DNAI7: variants seen among roughly 807,000 people sequenced by gnomAD.
DNAI7 encodes the protein cancer susceptibility 1.
DNAI7 carries 78 observed loss-of-function variants against 86.6 expected under a neutral mutation model. That is an observed-to-expected ratio of 0.90 (90% CI 0.75 to 1.09). The LOEUF (loss-of-function observed/expected upper bound fraction) is 1.09. DNAI7 is among the 50% of genes least tolerant of loss of function. The pLI is 0.00. For synonymous variants in DNAI7, 274 were observed against 273.0 expected, an observed-to-expected ratio of 1.00 and a Z score of -0.04; for missense variants, 753 against 810.2, an observed-to-expected ratio of 0.93 and a Z score of 0.86.
rs765146905 is a variant in DNAI7 at position 25,108,757 on chromosome 12, C to G, written c.1960G>C (p.Asp654His). 1 of 1,524,766 alleles carries G rather than the reference C, an allele frequency of 6.6e-7. No individual in the cohort carries two copies. Among genetic ancestry groups the G allele is most frequent in the Non-Finnish European group, 8.9e-7 (1 of 1,125,252 alleles). 94.5% of individuals were successfully genotyped at this position (1,524,766 alleles called of 1,614,324 possible). Residue 654 changes from aspartate (D) to histidine (H), a missense_variant, in exon 16 of 16, where the codon GAC becomes CAC. Asp to His is a moderately conservative substitution (Grantham distance 81). Coordinates refer to ENST00000395987, the MANE Select transcript of DNAI7 (RefSeq NM_018272.5). The stretch of plus-strand genomic sequence containing the variant: ...TTGATCTTCAGTCTTTGTGCTCTGT[C>G]ACCACTAAACATTAAAAGGGCCCAA... ...PNWALLMFSGDRAQRLKIKEE... is the reference protein window; with the variant it reads ...PNWALLMFSGHRAQRLKIKEE...
At chr12:25,120,739 TA>T (rs937637109) in intron 11 of DNAI7, among the ~76,000 whole-genome samples, 26 of 151,530 alleles carry the variant, frequency 1.7e-4, no homozygotes, top group African/African-American at 5.6e-4. Flanking sequence ...AAAATAAAAA[TA>T]AAAAAAATAA....
chr12:25,132,395 T>A lies in DNAI7; in HGVS notation c.1003-9109A>T, dbSNP rs552234258. Among the ~76,000 whole-genome samples the A allele has an allele frequency of 6.4e-4, 98 of 152,230 alleles. 1 individual carries two copies. Among genetic ancestry groups the A allele is most frequent in the African/African-American group, 2.2e-3 (90 of 41,552 alleles). On this transcript the variant is annotated intron_variant, in intron 9 of 15. Transcript: ENST00000395987. ...AATAGAGTTTTAACTTTAAAAAAAA[T>A]TTAACAATACAGCTTAGGGATCTTT...
At chr12:25,167,570 G>A (rs1009733988) in intron 2 of DNAI7, among the ~76,000 whole-genome samples, 8 of 151,874 alleles carry the variant, frequency 5.3e-5, no homozygotes, top group East Asian at 1.9e-4. Context: ...CCTCCTTAGC[G>A]AACAACCGCT....
chr12:25,122,942 T>C (rs1480981771), intron 10 of DNAI7, among the ~76,000 whole-genome samples: 4 of 152,226 alleles, frequency 2.6e-5, no homozygotes, highest in Non-Finnish European at 5.9e-5. Context: ...GTTCTATGTA[T>C]GTAACACGTT....
intron 9 of DNAI7, among the ~76,000 whole-genome samples, chr12:25,125,896 G>A (rs996823235): frequency 6.6e-6 from 1 of 152,048 alleles, no homozygotes; most frequent in African/African-American, 2.4e-5. Flanking sequence ...GTTTTTGTCA[G>A]CTTTGTTGAA....
chr12:25,149,065 A>T (rs1945193587), intron 7 of DNAI7, among the ~76,000 whole-genome samples: 1 of 152,056 alleles, frequency 6.6e-6, no homozygotes, highest in Admixed American at 6.6e-5. Flanking sequence ...GGTTCACTGC[A>T]GCACTGACAT....
chr12:25,129,070 C>G (rs758339265), intron 9 of DNAI7, among the ~76,000 whole-genome samples: 18 of 152,186 alleles, frequency 1.2e-4, no homozygotes, highest in Non-Finnish European at 2.1e-4. Context: ...GGCCTTCCTT[C>G]TCACTTCTGT....
intron 3 of DNAI7, 40 bp from the exon 4 acceptor site, chr12:25,158,603 C>G: frequency 1.3e-6 from 2 of 1,576,268 alleles, no homozygotes; most frequent in Non-Finnish European, 1.7e-6. Flanking sequence ...GTGAATAGAT[C>G]ACTGTATTTT....
intron 9 of DNAI7, among the ~76,000 whole-genome samples, chr12:25,139,961 A>G (rs1943988529): frequency 6.6e-6 from 1 of 152,240 alleles, no homozygotes; most frequent in Non-Finnish European, 1.5e-5. Flanking sequence ...TACCACATAG[A>G]ATTAAAAACA....
At chr12:25,123,121 T>C in intron 10 of DNAI7, 90 bp downstream of exon 10, 3 of 804,682 alleles carry the variant, frequency 3.7e-6, no homozygotes, top group Admixed American at 3.1e-5. Flanking sequence ...ATTTTTGCAA[T>C]GTCTGAATTT....
chr12:25,120,341 A>AGG (rs1941056660), intron 11 of DNAI7, among the ~76,000 whole-genome samples: 4 of 148,922 alleles, frequency 2.7e-5, no homozygotes, highest in South Asian at 2.2e-4. Context: ...AGAGAGAGAG[A>AGG]GGAAGGAAGG....
chr12:25,150,282 T>C (rs1189687283), intron 6 of DNAI7, among the ~76,000 whole-genome samples: 1 of 152,164 alleles, frequency 6.6e-6, no homozygotes, highest in Non-Finnish European at 1.5e-5. Context: ...GCAAACACCT[T>C]AACCATGTGA....
intron 12 of DNAI7, among the ~76,000 whole-genome samples, chr12:25,116,370 G>A (rs1019831201): frequency 1.3e-5 from 2 of 151,894 alleles, no homozygotes; most frequent in Admixed American, 6.6e-5. Flanking sequence ...TAGTAGTTCC[G>A]GGCAAAATGT....
intron 15 of DNAI7, among the ~76,000 whole-genome samples, chr12:25,109,560 A>G (rs1333085743): frequency 4.0e-5 from 6 of 151,764 alleles, no homozygotes; most frequent in Non-Finnish European, 8.8e-5. Flanking sequence ...CAAGGCTTCC[A>G]TTTGTTCTTG....
chr12:25,185,955 T>C (rs192355135), intron 2 of DNAI7, among the ~76,000 whole-genome samples: 91 of 152,344 alleles, frequency 6.0e-4, no homozygotes, highest in African/African-American at 2.1e-3. Context: ...CACAGTTGTA[T>C]TCCTAAACAG....
At chr12:25,190,329 T>G (rs1160109088) in intron 2 of DNAI7, among the ~76,000 whole-genome samples, 2 of 152,146 alleles carry the variant, frequency 1.3e-5, no homozygotes, top group African/African-American at 2.4e-5. Flanking sequence ...ATCCAACATT[T>G]TCTAGAGCAG....
chr12:25,132,548 C>A (rs966728260), intron 9 of DNAI7, among the ~76,000 whole-genome samples: 3 of 140,668 alleles, frequency 2.1e-5, no homozygotes, highest in African/African-American at 9.6e-5. Flanking sequence ...CTATAAAAAA[C>A]TTCAATGAAA....
At chr12:25,171,299 C>T (rs185157508) in intron 2 of DNAI7, among the ~76,000 whole-genome samples, 400 of 152,242 alleles carry the variant, frequency 2.6e-3, no homozygotes, top group South Asian at 4.6e-3. Flanking sequence ...GATATTACAA[C>T]TGACGCCACT....
At chr12:25,141,197 C>T (rs572808373) in intron 9 of DNAI7, among the ~76,000 whole-genome samples, 1 of 152,190 alleles carries the variant, frequency 6.6e-6, no homozygotes, top group African/African-American at 2.4e-5. Flanking sequence ...GCAACAACAA[C>T]AATGATAAAT....
Sources: gnomAD v4.1 joint callset for allele counts (sites outside exome capture counted in the v4.1 genomes callset) on GRCh38, gnomAD v4.1.1 for gene constraint, MANE v1.5 for transcripts, NCBI Gene and HGNC (gene_info 2026-07-23, HGNC 2026-07-21) for gene names.